The following LPP variants were observed in gnomAD, a reference collection of about 807,000 sequenced individuals.
LPP encodes lipoma-preferred partner.
Under a neutral mutation model 60.4 loss-of-function variants are expected in LPP, and 38 were observed. The ratio of observed to expected loss-of-function variants is 0.63; its 90% CI spans 0.49 to 0.83. The LOEUF (loss-of-function observed/expected upper bound fraction) is 0.83, where lower values mean the gene tolerates loss of function less well. LPP is among the 40% of genes least tolerant of loss of function. The pLI is 0.00. For synonymous variants in LPP, 328 were observed against 290.8 expected (o/e 1.13, Z -1.30); for missense variants, 902 against 783.6 (o/e 1.15, Z -1.80).
chr3:188,241,286 G>C (rs542170028), intron 2 of LPP, among the ~76,000 whole-genome samples: 2 of 152,352 alleles, frequency 1.3e-5, no homozygotes, highest in Admixed American at 6.5e-5. Flanking sequence ...CGTTTCTCCA[G>C]CTGATCCTGC....
intron 9 of LPP, among the ~76,000 whole-genome samples, chr3:188,789,528 A>G (rs1304778602): frequency 6.6e-6 from 1 of 152,224 alleles, no homozygotes; most frequent in Non-Finnish European, 1.5e-5. Context: ...ACTATGATTC[A>G]AAACATTCAC....
At chr3:188,409,174 T>C (rs1784349281) in intron 4 of LPP, among the ~76,000 whole-genome samples, 1 of 152,188 alleles carries the variant, frequency 6.6e-6, no homozygotes, top group Admixed American at 6.5e-5. Context: ...GTTTGGAATA[T>C]GGTATAACTC....
chr3:188,596,774 T>C (rs1216885287), intron 6 of LPP, among the ~76,000 whole-genome samples: 1 of 152,210 alleles, frequency 6.6e-6, no homozygotes, highest in African/African-American at 2.4e-5. Context: ...CTATTCCTTT[T>C]TCGCTTTGCT....
In LPP at chr3:188,866,384, C is replaced by T; in HGVS notation, c.1589+6C>T. 6.9e-7 allele frequency: 1 copy of T among 1,450,902 alleles called. No homozygotes were observed. The highest frequency in any genetic ancestry group is 9.2e-7 in the Non-Finnish European group (1 of 1,088,590). 89.9% of individuals were successfully genotyped at this position (1,450,902 alleles called of 1,614,324 possible). On this transcript the variant is annotated splice_donor_region_variant and intron_variant, in intron 10 of 11. Coordinates refer to ENST00000617246, the MANE Select transcript of LPP (RefSeq NM_001375462.1). Reference sequence around the variant, plus strand: ...TGCATTGAGGACTTCCACAAGTAGGCAACCTACTCTCTCGTCACCACCCTG... The same window carrying T: ...TGCATTGAGGACTTCCACAAGTAGGTAACCTACTCTCTCGTCACCACCCTG...
intron 5 of LPP, among the ~76,000 whole-genome samples, chr3:188,502,334 G>A (rs995241910): frequency 1.3e-5 from 2 of 152,128 alleles, no homozygotes; most frequent in Admixed American, 6.5e-5. Flanking sequence ...TATTCTTGAT[G>A]TATTGAGCCT....
chr3:188,745,879 G>C (rs547323381), intron 8 of LPP, among the ~76,000 whole-genome samples: 205 of 152,176 alleles, frequency 1.3e-3, no homozygotes, highest in African/African-American at 4.8e-3. Context: ...ATTTCCAAAA[G>C]AGGGAACTGA....
rs571694090 is a variant in LPP at position 188,352,696 on chromosome 3, G to A, written c.-10+10977G>A. Among the ~76,000 whole-genome samples, 84 of 19,514 alleles carry A rather than the reference G, an allele frequency of 4.3e-3. No homozygotes were observed. The highest frequency in any genetic ancestry group is 0.016 in the African/African-American group (74 of 4,620). 12.8% of individuals were successfully genotyped at this position (19,514 alleles called of 152,430 possible). ...AGGTCTTGTTTCCCTGCTTGTTGATGTTCCAGCTGCATGCACGGCACTGAG... is the reference window on the plus strand; with the variant it reads ...AGGTCTTGTTTCCCTGCTTGTTGATATTCCAGCTGCATGCACGGCACTGAG... On this transcript the variant is annotated intron_variant, in intron 3 of 11. Coordinates refer to ENST00000617246, the MANE Select transcript of LPP (RefSeq NM_001375462.1). This position sits in a 1 kb window ranked among gnomAD's most constrained non-coding sequence, Gnocchi z 4.4.
intron 7 of LPP, among the ~76,000 whole-genome samples, chr3:188,673,753 C>G (rs1857417581): frequency 6.6e-6 from 1 of 152,012 alleles, no homozygotes; most frequent in Non-Finnish European, 1.5e-5. Context: ...GCTTGTCCAG[C>G]CAAACTGGAG....
intron 1 of LPP, among the ~76,000 whole-genome samples, chr3:188,155,069 G>A (rs1216954789): frequency 6.6e-6 from 1 of 152,152 alleles, no homozygotes; most frequent in Non-Finnish European, 1.5e-5. Context: ...GGAGATGAAA[G>A]TATAAATATT....
chr3:188,765,852 T>A (rs1421480463), intron 9 of LPP, among the ~76,000 whole-genome samples: 1 of 146,804 alleles, frequency 6.8e-6, no homozygotes, highest in Non-Finnish European at 1.5e-5. Flanking sequence ...TGCAACTTAA[T>A]GTTCAACTCT....
intron 8 of LPP, among the ~76,000 whole-genome samples, chr3:188,729,165 A>T (rs1233159560): frequency 2.6e-5 from 4 of 152,224 alleles, no homozygotes; most frequent in Non-Finnish European, 4.4e-5. Flanking sequence ...CAGCATGTAC[A>T]AAGGTATAGA....
chr3:188,157,558 G>A (rs1191078971), intron 1 of LPP, among the ~76,000 whole-genome samples: 1 of 152,132 alleles, frequency 6.6e-6, no homozygotes, highest in Non-Finnish European at 1.5e-5. Context: ...AAAATGGCAG[G>A]TAGCAGGTAA....
intron 2 of LPP, among the ~76,000 whole-genome samples, chr3:188,314,676 C>T (rs1421350549): frequency 6.6e-6 from 1 of 152,000 alleles, no homozygotes; most frequent in African/African-American, 2.4e-5. Context: ...CAAAAATTAG[C>T]TGGGCATGGT....
intron 1 of LPP, chr3:188,180,710 A>G (rs950409551): frequency 6.6e-6 from 1 of 152,350 alleles, no homozygotes; most frequent in Admixed American, 6.6e-5. Context: ...GTGCATTTGC[A>G]TTTTACTGAC....
chr3:188,360,405 T>C (rs772337052), intron 3 of LPP, among the ~76,000 whole-genome samples: 7 of 152,172 alleles, frequency 4.6e-5, no homozygotes, highest in Non-Finnish European at 1.0e-4. Context: ...CTTTCTTCCT[T>C]GCCTCCTTCT....
intron 2 of LPP, among the ~76,000 whole-genome samples, chr3:188,315,310 G>A (rs140029064): frequency 1.5e-3 from 231 of 152,132 alleles, no homozygotes; most frequent in Non-Finnish European, 2.4e-3. Context: ...TAAAGCATCA[G>A]AGTTTAATTT....
chr3:188,540,692 T>C (rs1194607976), intron 6 of LPP, among the ~76,000 whole-genome samples: 2 of 152,204 alleles, frequency 1.3e-5, no homozygotes, highest in East Asian at 3.9e-4. Flanking sequence ...ATAAAGCACT[T>C]GAAACAGTGT....
chr3:188,715,320 G>A (rs6805471), intron 8 of LPP, among the ~76,000 whole-genome samples: 5,387 of 131,588 alleles, frequency 0.041, 335 homozygotes, highest in African/African-American at 0.14. Context: ...GGAGGTTACA[G>A]TGAGCCAAGA....
chr3:188,674,439 TA>T lies in LPP; in HGVS notation c.1114-33827del, dbSNP rs200143511. Among the ~76,000 whole-genome samples the T allele has an allele frequency of 1.3e-3, 198 of 152,292 alleles. 4 individuals are homozygous for T. In the East Asian group the frequency reaches 0.033, roughly 25 times the overall value. The stretch of plus-strand genomic sequence containing the variant: ...CCTTCCTTCTCCAATCTGCCTTGGG[TA>T]TAGAGTCACGCCTTTAAATCTTTTA... On this transcript the variant is annotated intron_variant, in intron 7 of 11. Coordinates refer to ENST00000617246, the MANE Select transcript of LPP (RefSeq NM_001375462.1).
Sources: allele counts gnomAD v4.1 joint callset (sites outside exome capture counted in the v4.1 genomes callset), GRCh38; gene constraint gnomAD v4.1.1; non-coding constraint Gnocchi (gnomAD v3.1); transcripts MANE v1.5; gene names NCBI Gene and HGNC (gene_info 2026-07-23, HGNC 2026-07-21).